Variants in SLC5A10 observed in about 807,000 individuals in gnomAD.
SLC5A10 encodes sodium/mannose cotransporter SLC5A10.
SLC5A10 carries 55 observed loss-of-function variants against 68.9 expected under a neutral mutation model. That is an observed-to-expected ratio of 0.80 (90% CI 0.64 to 1.00). The LOEUF (loss-of-function observed/expected upper bound fraction) is 1.00, where lower values mean the gene tolerates loss of function less well. Ranked by LOEUF, SLC5A10 falls within the 50% of genes least tolerant of loss-of-function variation. SLC5A10 has a pLI of 0.00. For synonymous variants in SLC5A10, 344 were observed against 344.8 expected (o/e 1.00, Z 0.02); for missense variants, 732 against 819.3 (o/e 0.89, Z 1.30).
chr17:18,978,405 G>T, intron 9 of SLC5A10: 2 of 1,591,098 alleles, frequency 1.3e-6, no homozygotes, highest in South Asian at 2.3e-5. Flanking sequence ...TCGCTGCCAG[G>T]CTCCGGGTCT....
At chr17:18,989,476 C>T (rs1002686749) in intron 9 of SLC5A10, among the ~76,000 whole-genome samples, 26 of 152,178 alleles carry the variant, frequency 1.7e-4, no homozygotes, top group Non-Finnish European at 3.4e-4. Flanking sequence ...GCACCAAAGC[C>T]CAAACTCCAG....
chr17:19,014,849 G>C (rs772059092), intron 10 of SLC5A10, among the ~76,000 whole-genome samples, 200 bp from the exon 11 acceptor site: 1 of 152,108 alleles, frequency 6.6e-6, no homozygotes, highest in South Asian at 2.1e-4. Flanking sequence ...AAGTCCCCAC[G>C]GTTTGTCCTT....
intron 5 of SLC5A10, among the ~76,000 whole-genome samples, chr17:18,963,835 T>C (rs2042658881): frequency 6.6e-6 from 1 of 152,196 alleles, no homozygotes; most frequent in Non-Finnish European, 1.5e-5. Flanking sequence ...TAGCCAGTCA[T>C]TTAACCTCTG....
At position 19,021,907 on chromosome 17, in the gene SLC5A10, G is replaced by A; in HGVS notation, c.*1476G>A. ...AGCTGGGGGTGTCCATGTCCTCTCTGGACCTCAGTTCCTGTAAAAAGGCCC... is the reference window on the plus strand; with the variant it reads ...AGCTGGGGGTGTCCATGTCCTCTCTAGACCTCAGTTCCTGTAAAAAGGCCC... On this transcript the variant is annotated 3_prime_UTR_variant, in exon 15 of 15. Transcript: ENST00000395645. The surrounding 1 kb of genome is among the most constrained non-coding windows in gnomAD (Gnocchi z 4.1). 2.8e-6 allele frequency: 4 copies of A among 1,440,642 alleles called. No individual in the cohort carries two copies. Among genetic ancestry groups the A allele is most frequent in the Non-Finnish European group, 3.7e-6 (4 of 1,095,492 alleles). 89.2% of individuals were successfully genotyped at this position (1,440,642 alleles called of 1,614,324 possible).
intron 11 of SLC5A10, among the ~76,000 whole-genome samples, chr17:19,016,431 CTTG>C (rs1205097628): frequency 1.3e-5 from 2 of 152,152 alleles, no homozygotes; most frequent in South Asian, 2.1e-4. Flanking sequence ...GTCCCACCCT[CTTG>C]TTGTCCTCTG....
In SLC5A10 at chr17:19,019,447, C is replaced by T. The variant is rs775065880; in HGVS notation, c.1266C>T (p.Gly422=). ...GGCTGGTCATAGTGGCACTCATCGG[C>T]GTGAGTGTGGCCTGGATCCCCGTCC... ...VGRLVIVALI[G]VSVAWIPVLQ... Residue 422 remains glycine, a synonymous_variant, in exon 12 of 15, where the codon GGC becomes GGT. Coordinates refer to ENST00000395645, the MANE Select transcript of SLC5A10 (RefSeq NM_001042450.4). 1.6e-5 allele frequency: 25 copies of T among 1,611,196 alleles called. No homozygotes were observed. The highest frequency in any genetic ancestry group is 1.6e-4 in the Middle Eastern group (1 of 6,082).
intron 9 of SLC5A10, among the ~76,000 whole-genome samples, chr17:18,986,749 G>A (rs972744231): frequency 6.6e-6 from 1 of 152,256 alleles, no homozygotes; most frequent in African/African-American, 2.4e-5. Context: ...CTGCACGCTG[G>A]GGGAAGTGCA....
At chr17:18,977,185 G>A (rs1406611166) in intron 9 of SLC5A10, 196 bp downstream of exon 9, 23 of 716,246 alleles carry the variant, frequency 3.2e-5, no homozygotes, top group Non-Finnish European at 2.9e-5. Context: ...GGTCTGGACA[G>A]GTATCACTTA....
Position 18,960,631 on chromosome 17 carries a change from G to A in SLC5A10, c.432G>A (p.Leu144=), listed in dbSNP as rs948130711. The A allele has an allele frequency of 5.6e-6, 9 of 1,613,862 alleles. No homozygotes were observed. The highest frequency in any genetic ancestry group is 5.9e-6 in the Non-Finnish European group (7 of 1,179,876). Reference sequence around the variant, plus strand: ...ACCTGTCTGTCCTGTCCCTGCTACTGTCTGTCTTCACCAAGATATCGGTGA... The same window carrying A: ...ACCTGTCTGTCCTGTCCCTGCTACTATCTGTCTTCACCAAGATATCGGTGA... ...RMYLSVLSLL[L]SVFTKISLDL... The change falls in exon 5 of 15, where the codon CTG becomes CTA. Residue 144 remains leucine (L), a synonymous_variant. Transcript: ENST00000395645.
chr17:19,021,660 T>C lies in SLC5A10; in HGVS notation c.*1229T>C. On this transcript the variant is annotated 3_prime_UTR_variant, in exon 15 of 15. Transcript: ENST00000395645. The surrounding 1 kb of genome is among the most constrained non-coding windows in gnomAD (Gnocchi z 4.1). Reference sequence around the variant, plus strand: ...TCAACCTTCCTGGCAGATGGGGCCATTGACAAGAGGAGGTGGGCGGGGCCT... The same window carrying C: ...TCAACCTTCCTGGCAGATGGGGCCACTGACAAGAGGAGGTGGGCGGGGCCT... 2.5e-6 allele frequency: 1 copy of C among 396,822 alleles called. No individual in the cohort carries two copies. Among genetic ancestry groups the C allele is most frequent in the Non-Finnish European group, 4.4e-6 (1 of 225,460 alleles). The allele number at this position is 396,822 out of a possible 1,614,324, so 24.6% of individuals were successfully genotyped here. A position where few individuals can be genotyped will look rare whatever the true frequency, so the allele number is the denominator to read the frequency against.
rs142729090 is a variant in SLC5A10 at position 18,972,005 on chromosome 17, A to G, written c.846+787A>G. Among the ~76,000 whole-genome samples, 1,004 of 152,268 alleles carry G rather than the reference A, an allele frequency of 6.6e-3. 19 individuals are homozygous for G. Among genetic ancestry groups the G allele is most frequent in the African/African-American group, 0.022 (917 of 41,564 alleles). On this transcript the variant is annotated intron_variant, in intron 8 of 14. Coordinates refer to ENST00000395645, the MANE Select transcript of SLC5A10 (RefSeq NM_001042450.4). ...CCAGCTCACCCCCGCAGCCTCCTCT[A>G]TTCCGACACAGGCCTGGGACGTGGT...
rs1207853564 is a variant in SLC5A10 at position 18,971,489 on chromosome 17, C to T, written c.846+271C>T. The T allele has an allele frequency of 6.2e-7, 1 of 1,614,070 alleles. No homozygotes were observed. Among genetic ancestry groups the T allele is most frequent in the Admixed American group, 1.7e-5 (1 of 60,026 alleles). Reference sequence around the variant, plus strand: ...TTTGGAGTATGGGATTCCGAAGGGACTCGGATGCTCCTCGGTGGCCCTGCC... The same window carrying T: ...TTTGGAGTATGGGATTCCGAAGGGATTCGGATGCTCCTCGGTGGCCCTGCC... On this transcript the variant is annotated intron_variant, in intron 8 of 14. Coordinates refer to ENST00000395645, the MANE Select transcript of SLC5A10 (RefSeq NM_001042450.4). This position sits in a 1 kb window ranked among gnomAD's most constrained non-coding sequence, Gnocchi z 5.5.
intron 1 of SLC5A10, chr17:18,952,613 G>T (rs1356335142): frequency 7.4e-6 from 2 of 270,800 alleles, no homozygotes; most frequent in Non-Finnish European, 1.4e-5. Flanking sequence ...TGGCCCATCA[G>T]CCTCCTGGTC....
intron 13 of SLC5A10, 36 bp downstream of exon 13, chr17:19,019,964 C>A: frequency 1.3e-6 from 2 of 1,550,186 alleles, no homozygotes; most frequent in Non-Finnish European, 1.8e-6. Flanking sequence ...TGACCCCTAA[C>A]AATTTCTTAC....
Position 19,003,559 on chromosome 17 carries a change from G to C in SLC5A10, c.983-9851G>C, listed in dbSNP as rs1393900527. ...TGATCATCTTCCGCACCACCTCTTT[G>C]ATGTGGGCCTGCCCGTCTATGGGGG... On this transcript the variant is annotated intron_variant, in intron 9 of 14. Transcript: ENST00000395645. The surrounding 1 kb of genome is among the most constrained non-coding windows in gnomAD (Gnocchi z 4.5). 1 of 1,566,070 alleles carries C rather than the reference G, an allele frequency of 6.4e-7. No homozygotes were observed. Among genetic ancestry groups the C allele is most frequent in the Non-Finnish European group, 8.7e-7 (1 of 1,155,528 alleles).
chr17:18,951,909 T>C (rs1455566398), upstream of SLC5A10: 2 of 397,132 alleles, frequency 5.0e-6, no homozygotes, highest in Admixed American at 4.2e-5. Flanking sequence ...GTCCACTAAA[T>C]GCGGTTCATT....
At position 18,978,026 on chromosome 17, in the gene SLC5A10, G is replaced by A. The variant is rs1216934983; in HGVS notation, c.982+1037G>A. ...CTGGAGTGGGGCGTGGCCTGGGCCTGCCATCCTGGGTAGCCTATGGTCTGT... is the reference window on the plus strand; with the variant it reads ...CTGGAGTGGGGCGTGGCCTGGGCCTACCATCCTGGGTAGCCTATGGTCTGT... On this transcript the variant is annotated intron_variant, in intron 9 of 14. Transcript: ENST00000395645. 7 of 1,541,052 alleles carry A rather than the reference G, an allele frequency of 4.5e-6. No homozygotes were observed. In the East Asian group the frequency reaches 6.8e-5, roughly 15 times the overall value.
chr17:18,999,721 T>C (rs1181305526), intron 9 of SLC5A10, among the ~76,000 whole-genome samples: 2 of 152,188 alleles, frequency 1.3e-5, no homozygotes, highest in East Asian at 1.9e-4. Context: ...AAATGTGGGG[T>C]GAATCAGGCT....
At chr17:18,964,979 CT>C (rs1229472084) in intron 5 of SLC5A10, among the ~76,000 whole-genome samples, 2 of 151,500 alleles carry the variant, frequency 1.3e-5, no homozygotes, top group African/African-American at 2.4e-5. Flanking sequence ...CCTGTTTCTA[CT>C]AAAAATACAA....
Sources: gnomAD v4.1 joint callset for allele counts (sites outside exome capture counted in the v4.1 genomes callset) on GRCh38, gnomAD v4.1.1 for gene constraint, Gnocchi (gnomAD v3.1) non-coding constraint, MANE v1.5 for transcripts, NCBI Gene and HGNC (gene_info 2026-07-23, HGNC 2026-07-21) for gene names.